NEDD1: variants seen among roughly 807,000 people sequenced by gnomAD.
The protein encoded by NEDD1 is protein NEDD1.
In NEDD1, 33 loss-of-function variants were observed where a neutral mutation model predicts 74.0. The ratio of observed to expected loss-of-function variants is 0.45; its 90% CI spans 0.34 to 0.60. The LOEUF (loss-of-function observed/expected upper bound fraction) is 0.60, where lower values mean the gene tolerates loss of function less well. Ranked by LOEUF, NEDD1 falls within the 20% of genes least tolerant of loss-of-function variation. The pLI is 0.01. For missense variants in NEDD1, 746 were observed against 776.5 expected, an observed-to-expected ratio of 0.96 and a Z score of 0.47; for synonymous variants, 250 against 264.4, an observed-to-expected ratio of 0.95 and a Z score of 0.53.
At chr12:96,915,970 T>TA (rs1874396897) in intron 4 of NEDD1, among the ~76,000 whole-genome samples, 3 of 152,296 alleles carry the variant, frequency 2.0e-5, no homozygotes, top group Middle Eastern at 3.4e-3. Flanking sequence ...GTGGTGGCAC[T>TA]TAAGTTGATA....
Position 96,952,648 on chromosome 12 carries a change from G to C in NEDD1, c.*595G>C, listed in dbSNP as rs1878812460. 1 of 151,644 alleles carries C rather than the reference G, an allele frequency of 6.6e-6. No individual in the cohort carries two copies. The highest frequency in any genetic ancestry group is 2.4e-5 in the African/African-American group (1 of 41,372). 9.4% of individuals were successfully genotyped at this position (151,644 alleles called of 1,614,324 possible). On this transcript the variant is annotated 3_prime_UTR_variant, in exon 16 of 16. Coordinates refer to ENST00000266742, the MANE Select transcript of NEDD1 (RefSeq NM_152905.4). The stretch of plus-strand genomic sequence containing the variant: ...TTGCACAAATTACATGATATCTTTT[G>C]CATTTATGTTACTATATTGTACTTC...
intron 3 of NEDD1, among the ~76,000 whole-genome samples, chr12:96,912,080 C>T (rs963312191): frequency 6.6e-6 from 1 of 151,876 alleles, no homozygotes; most frequent in African/African-American, 2.4e-5. Context: ...GTTCCATTTA[C>T]AATTCGTGTA....
intron 6 of NEDD1, among the ~76,000 whole-genome samples, chr12:96,931,044 G>A (rs562283703): frequency 6.6e-6 from 1 of 152,298 alleles, no homozygotes; most frequent in South Asian, 2.1e-4. Context: ...GGATAACTAT[G>A]TAGTGGCTTA....
intron 6 of NEDD1, among the ~76,000 whole-genome samples, chr12:96,922,314 A>T (rs1307675755): frequency 6.6e-6 from 1 of 152,116 alleles, no homozygotes; most frequent in Non-Finnish European, 1.5e-5. Context: ...ATAAAGAGAG[A>T]CATAAAGTCT....
intron 9 of NEDD1, among the ~76,000 whole-genome samples, 195 bp from the exon 10 acceptor site, chr12:96,940,214 T>G (rs1877528827): frequency 6.6e-6 from 1 of 151,294 alleles, no homozygotes; most frequent in African/African-American, 2.4e-5. Context: ...ACTTTAGCTC[T>G]TGTCATATTC....
At chr12:96,947,899 G>A (rs1471830220) in intron 14 of NEDD1, among the ~76,000 whole-genome samples, 1 of 152,164 alleles carries the variant, frequency 6.6e-6, no homozygotes, top group Non-Finnish European at 1.5e-5. Flanking sequence ...GGAGTGGTGG[G>A]TAGGGACTTC....
At chr12:96,938,928 A>G (rs1041048895) in intron 9 of NEDD1, among the ~76,000 whole-genome samples, 3 of 151,948 alleles carry the variant, frequency 2.0e-5, no homozygotes, top group Admixed American at 2.0e-4. Context: ...GCTTTTAGGC[A>G]ATTCTCTTAA....
chr12:96,937,072 G>T lies in NEDD1; in HGVS notation c.922-126G>T, dbSNP rs571000195. 80 of 546,306 alleles carry T rather than the reference G, an allele frequency of 1.5e-4. 1 individual carries two copies. In the South Asian group the frequency reaches 3.9e-3, roughly 27 times the overall value. The allele number at this position is 546,306 out of a possible 1,614,324, so 33.8% of individuals were successfully genotyped here. On this transcript the variant is annotated intron_variant, in intron 8 of 15. Transcript: ENST00000266742. ...TTAATTTAGAGGGAAACTCAGGTCT[G>T]CCAGCAAGCTTAAGATTTGCAAGGA...
intron 14 of NEDD1, among the ~76,000 whole-genome samples, chr12:96,949,394 AT>A (rs1592937636): frequency 6.6e-6 from 1 of 152,206 alleles, no homozygotes; most frequent in African/African-American, 2.4e-5. Flanking sequence ...GGTAGTGAAG[AT>A]TTTTGTAGAA....
chr12:96,936,623 T>A lies in NEDD1; in HGVS notation c.732T>A (p.Thr244=). Residue 244 remains threonine (T), a synonymous_variant, in exon 8 of 16, where the codon ACT becomes ACA. Transcript: ENST00000266742. ...YDTSSKKLVK[T]LVADTPLTAV... ...CTCCTTTCCAAAGGCTAGTGAAAAC[T>A]TTAGTGGCTGACACTCCTCTAACTG... The A allele has an allele frequency of 1.1e-5, 18 of 1,613,198 alleles. 1 individual carries two copies. The highest frequency in any genetic ancestry group is 1.5e-5 in the Non-Finnish European group (18 of 1,179,214).
chr12:96,945,773 C>A lies in NEDD1; in HGVS notation c.1735C>A (p.Arg579=), dbSNP rs144557667. The A allele has an allele frequency of 5.6e-6, 9 of 1,609,548 alleles. No homozygotes were observed. In the Admixed American group the frequency reaches 8.3e-5, roughly 15 times the overall value. ...EKIADSIGNN[R]QNAPLTSIQI... ...AATAGCCGACAGCATTGGAAATAAC[C>A]GGCAAAATGCACCATTGACTTCCAT... The change falls in exon 14 of 16, where the codon CGG becomes AGG. Residue 579 remains arginine, a synonymous_variant. Coordinates refer to ENST00000266742, the MANE Select transcript of NEDD1 (RefSeq NM_152905.4).
At position 96,944,740 on chromosome 12, in the gene NEDD1, T is replaced by C. The variant is rs751044827; in HGVS notation, c.1599T>C (p.Asn533=). The C allele has an allele frequency of 1.3e-6, 2 of 1,597,956 alleles. No homozygotes were observed. Among genetic ancestry groups the C allele is most frequent in the South Asian group, 1.1e-5 (1 of 88,070 alleles). Residue 533 remains asparagine, a synonymous_variant, in exon 13 of 16, where the codon AAT becomes AAC. Coordinates refer to ENST00000266742, the MANE Select transcript of NEDD1 (RefSeq NM_152905.4). ...RNSEKFEKPE[N]EIEAQLICEP... ...CTGAGAAATTTGAAAAGCCAGAGAA[T>C]GAAATTGAAGCCCAGTTGATATGTG...
chr12:96,907,520 G>A (rs1487028769), intron 1 of NEDD1, 84 bp from the exon 2 acceptor site: 45 of 1,126,104 alleles, frequency 4.0e-5, no homozygotes, highest in Non-Finnish European at 5.4e-5. Context: ...GAGCCTTGTG[G>A]GGTGTGCTGC....
At chr12:96,950,323 A>AGTT (rs1878597448) in intron 14 of NEDD1, among the ~76,000 whole-genome samples, 1 of 152,012 alleles carries the variant, frequency 6.6e-6, no homozygotes, top group Non-Finnish European at 1.5e-5. Context: ...TACTGGTGAC[A>AGTT]TCCATTGATA....
At chr12:96,942,650 G>A (rs768798466) in intron 11 of NEDD1, 26 bp downstream of exon 11, 36 of 1,262,766 alleles carry the variant, frequency 2.9e-5, no homozygotes, top group Non-Finnish European at 3.2e-5. Flanking sequence ...AAGTATTTTC[G>A]TGAAAATGAA....
At chr12:96,919,903 A>G in intron 5 of NEDD1, 82 bp from the exon 6 acceptor site, 1 of 828,402 alleles carries the variant, frequency 1.2e-6, no homozygotes, top group African/African-American at 1.7e-5. Context: ...TAAATACATA[A>G]TGTATGGTAT....
chr12:96,908,436 AT>A (rs1873551309), intron 2 of NEDD1, among the ~76,000 whole-genome samples: 1 of 152,260 alleles, frequency 6.6e-6, no homozygotes. Flanking sequence ...GGGAGGTATA[AT>A]TCTGTGCCCT....
At chr12:96,912,332 A>T (rs1362280669) in intron 3 of NEDD1, among the ~76,000 whole-genome samples, 1 of 151,974 alleles carries the variant, frequency 6.6e-6, no homozygotes, top group Admixed American at 6.6e-5. Flanking sequence ...GTTACCAAGC[A>T]CTAGGTTAAT....
At chr12:96,943,035 G>A (rs1005143061) in intron 11 of NEDD1, among the ~76,000 whole-genome samples, 5 of 152,008 alleles carry the variant, frequency 3.3e-5, no homozygotes, top group Non-Finnish European at 7.4e-5. Flanking sequence ...TTAAGATTAT[G>A]TTAATAACCT....
Sources: allele counts gnomAD v4.1 joint callset (sites outside exome capture counted in the v4.1 genomes callset), GRCh38; gene constraint gnomAD v4.1.1; transcripts MANE v1.5; gene names NCBI Gene and HGNC (gene_info 2026-07-23, HGNC 2026-07-21).